Variants in SYT1 observed in about 807,000 individuals in gnomAD.
SYT1 encodes synaptotagmin 1.
In SYT1, 8 loss-of-function variants were observed where a neutral mutation model predicts 44.8. That is an observed-to-expected ratio of 0.18 (90% CI 0.10 to 0.32). The LOEUF (loss-of-function observed/expected upper bound fraction) is 0.32, where lower values mean the gene tolerates loss of function less well. Ranked by LOEUF, SYT1 falls within the 10% of genes least tolerant of loss-of-function variation. SYT1 has a pLI of 1.00. For synonymous variants in SYT1, 154 were observed against 188.8 expected (o/e 0.82, Z 1.51); for missense variants, 286 against 509.3 (o/e 0.56, Z 4.22).
chr12:79,002,821 G>A (rs893041509), intron 2 of SYT1, among the ~76,000 whole-genome samples: 7 of 151,892 alleles, frequency 4.6e-5, no homozygotes, highest in African/African-American at 1.7e-4. Context: ...TACTTTGTTT[G>A]GAAATGATTT....
At chr12:78,903,367 C>T (rs2137104180) in intron 1 of SYT1, among the ~76,000 whole-genome samples, 1 of 151,984 alleles carries the variant, frequency 6.6e-6, no homozygotes, top group Non-Finnish European at 1.5e-5. Flanking sequence ...CTCACTGCAA[C>T]CTCTGCCTCC....
intron 2 of SYT1, among the ~76,000 whole-genome samples, chr12:79,017,345 C>T (rs972247595): frequency 6.6e-6 from 1 of 152,066 alleles, no homozygotes; most frequent in Non-Finnish European, 1.5e-5. Flanking sequence ...CTTCAGTGAG[C>T]TGTCTAATAA....
At chr12:79,423,958 TAAC>T (rs1487196177) in intron 9 of SYT1, among the ~76,000 whole-genome samples, 2 of 150,220 alleles carry the variant, frequency 1.3e-5, no homozygotes, top group African/African-American at 5.0e-5. Context: ...CTTGTTGAAA[TAAC>T]CAACAAGTAT....
At chr12:79,305,139 G>A (rs1320960634) in intron 8 of SYT1, among the ~76,000 whole-genome samples, 1 of 152,116 alleles carries the variant, frequency 6.6e-6, no homozygotes, top group Non-Finnish European at 1.5e-5. Context: ...TAATTTGCTT[G>A]CCTTTCTGGT....
intron 4 of SYT1, among the ~76,000 whole-genome samples, chr12:79,266,068 T>C (rs534222870): frequency 6.6e-6 from 1 of 152,354 alleles, no homozygotes; most frequent in African/African-American, 2.4e-5. Flanking sequence ...AGTGGAGCCA[T>C]GCTTACACTA....
At chr12:79,448,734 CTT>C (rs1870868751) in intron 10 of SYT1, among the ~76,000 whole-genome samples, 182 bp from the exon 11 acceptor site, 1 of 152,190 alleles carries the variant, frequency 6.6e-6, no homozygotes, top group African/African-American at 2.4e-5. Flanking sequence ...ATGTAAAAGA[CTT>C]AGTGCAAAGT....
At chr12:79,025,159 A>G (rs1176605058) in intron 2 of SYT1, among the ~76,000 whole-genome samples, 2 of 151,832 alleles carry the variant, frequency 1.3e-5, no homozygotes, top group Admixed American at 6.6e-5. Flanking sequence ...TGATTTGTCT[A>G]CAAGTATTTT....
intron 4 of SYT1, among the ~76,000 whole-genome samples, chr12:79,277,093 T>C (rs1878779503): frequency 6.6e-6 from 1 of 152,094 alleles, no homozygotes; most frequent in Non-Finnish European, 1.5e-5. Context: ...AAATATTCCC[T>C]GGTCTTGCTG....
chr12:79,268,094 T>C (rs1878226843), intron 4 of SYT1, among the ~76,000 whole-genome samples: 1 of 152,174 alleles, frequency 6.6e-6, no homozygotes, highest in African/African-American at 2.4e-5. Context: ...GTGAATTTGT[T>C]CAACAGCACA....
At chr12:79,031,527 C>T (rs151226426) in intron 2 of SYT1, among the ~76,000 whole-genome samples, 228 of 151,186 alleles carry the variant, frequency 1.5e-3, no homozygotes, top group African/African-American at 5.4e-3. Flanking sequence ...ATATTTATGG[C>T]TTGAATATCC....
At chr12:79,194,214 CTTGGT>C (rs1873303301) in intron 3 of SYT1, among the ~76,000 whole-genome samples, 1 of 151,996 alleles carries the variant, frequency 6.6e-6, no homozygotes, top group South Asian at 2.1e-4. Flanking sequence ...GATCACCACA[CTTGGT>C]TTGAAGTCTA....
At chr12:79,421,797 A>T (rs1593053224) in intron 9 of SYT1, among the ~76,000 whole-genome samples, 1 of 150,908 alleles carries the variant, frequency 6.6e-6, no homozygotes, top group Non-Finnish European at 1.5e-5. Context: ...TTTATACTTG[A>T]ATTGTAAGTA....
At chr12:79,390,015 T>C (rs1565938176) in intron 9 of SYT1, among the ~76,000 whole-genome samples, 1 of 151,954 alleles carries the variant, frequency 6.6e-6, no homozygotes, top group Non-Finnish European at 1.5e-5. Context: ...TCACTGCAAT[T>C]TCTGCCTCCT....
At chr12:79,264,872 A>C (rs776238943) in intron 4 of SYT1, among the ~76,000 whole-genome samples, 1 of 152,180 alleles carries the variant, frequency 6.6e-6, no homozygotes, top group African/African-American at 2.4e-5. Context: ...TTTATTCATG[A>C]ATAGCTGTGT....
At chr12:79,324,028 A>ACCACCT (rs1346908708) in intron 8 of SYT1, among the ~76,000 whole-genome samples, 1 of 141,848 alleles carries the variant, frequency 7.0e-6, no homozygotes, top group Non-Finnish European at 1.5e-5. Flanking sequence ...TCAGCTCACT[A>ACCACCT]CCACCTCCAC....
intron 2 of SYT1, among the ~76,000 whole-genome samples, chr12:79,031,295 G>A (rs1872814936): frequency 6.6e-6 from 1 of 150,792 alleles, no homozygotes; most frequent in South Asian, 2.1e-4. Context: ...TTTATTTTAT[G>A]CCTTCTGCAA....
chr12:79,250,627 A>C (rs1439415000), intron 4 of SYT1, among the ~76,000 whole-genome samples: 1 of 152,206 alleles, frequency 6.6e-6, no homozygotes, highest in East Asian at 1.9e-4. Flanking sequence ...AATTCTGGTC[A>C]TTTTGTTATA....
intron 9 of SYT1, among the ~76,000 whole-genome samples, chr12:79,406,815 GT>G (rs1441059174): frequency 6.6e-6 from 1 of 152,130 alleles, no homozygotes. Context: ...AAGAAAGTGA[GT>G]TAATATTTGA....
chr12:79,365,088 C>A lies in SYT1; in HGVS notation c.928+11469C>A, dbSNP rs368339421. Among the ~76,000 whole-genome samples, 26 of 152,192 alleles carry A rather than the reference C, an allele frequency of 1.7e-4. No individual in the cohort carries two copies. In the East Asian group the frequency reaches 3.1e-3, roughly 18 times the overall value. On this transcript the variant is annotated intron_variant, in intron 9 of 10. Transcript: ENST00000261205. Reference sequence around the variant, plus strand: ...GTAACTCAAATCAGCCCCCTCTAATCCTTTCCCATTCCTCAGAGTTAATTG... The same window carrying A: ...GTAACTCAAATCAGCCCCCTCTAATACTTTCCCATTCCTCAGAGTTAATTG...
Sources: allele counts gnomAD v4.1 joint callset (sites outside exome capture counted in the v4.1 genomes callset), GRCh38; gene constraint gnomAD v4.1.1; transcripts MANE v1.5; gene names NCBI Gene and HGNC (gene_info 2026-07-23, HGNC 2026-07-21).